Variants in SSR3 observed in about 807,000 individuals in gnomAD.
SSR3 encodes translocon-associated protein subunit gamma.
Under a neutral mutation model 22.1 loss-of-function variants are expected in SSR3, and 10 were observed. That is an observed-to-expected ratio of 0.45 (90% CI 0.28 to 0.77). The LOEUF (loss-of-function observed/expected upper bound fraction) is 0.77. SSR3 is among the 30% of genes least tolerant of loss of function. The pLI is 0.13. For missense variants in SSR3, 181 were observed against 220.5 expected, an observed-to-expected ratio of 0.82 and a Z score of 1.13; for synonymous variants, 104 against 82.5, an observed-to-expected ratio of 1.26 and a Z score of -1.42.
intron 3 of SSR3, 39 bp downstream of exon 3, chr3:156,548,866 C>A: frequency 6.3e-7 from 1 of 1,595,678 alleles, no homozygotes; most frequent in Non-Finnish European, 8.5e-7. Flanking sequence ...TTCAAAGTAC[C>A]CCCTTTTATG....
At chr3:156,549,290 C>G (rs1027960864) in intron 2 of SSR3, among the ~76,000 whole-genome samples, 2 of 152,194 alleles carry the variant, frequency 1.3e-5, no homozygotes, top group African/African-American at 4.8e-5. Flanking sequence ...AAGTCAAATG[C>G]TATTAACACA....
rs1172823184 is a variant in SSR3 at position 156,542,133 on chromosome 3, T to C, written c.*1070A>G. 6.6e-6 allele frequency: 1 copy of C among 152,172 alleles called. No individual in the cohort carries two copies. The highest frequency in any genetic ancestry group is 2.4e-5 in the African/African-American group (1 of 41,424). 9.4% of individuals were successfully genotyped at this position (152,172 alleles called of 1,614,324 possible). ...GAGCTTCCCAAACTTTTTCAAGTCA[T>C]GGCATACACAAGAAATGATATCTGT... On this transcript the variant is annotated 3_prime_UTR_variant, in exon 5 of 5. Transcript: ENST00000265044.
At chr3:156,549,690 A>G (rs1223619389) in intron 2 of SSR3, among the ~76,000 whole-genome samples, 1 of 152,220 alleles carries the variant, frequency 6.6e-6, no homozygotes, top group African/African-American at 2.4e-5. Flanking sequence ...TGACATTGTT[A>G]TTAATAAAAA....
At position 156,542,821 on chromosome 3, in the gene SSR3, G is replaced by A. The variant is rs1719612292; in HGVS notation, c.*382C>T. 1 of 182,600 alleles carries A rather than the reference G, an allele frequency of 5.5e-6. No homozygotes were observed. Among genetic ancestry groups the A allele is most frequent in the Non-Finnish European group, 1.1e-5 (1 of 88,800 alleles). 11.3% of individuals were successfully genotyped at this position (182,600 alleles called of 1,614,324 possible). A position where few individuals can be genotyped will look rare whatever the true frequency, so the allele number is the denominator to read the frequency against. ...ACGGTTCAAAAGAAGTTGTAATATT[G>A]TGCTTGGAACACAGAGAACCAGTTA... On this transcript the variant is annotated 3_prime_UTR_variant, in exon 5 of 5. Coordinates refer to ENST00000265044, the MANE Select transcript of SSR3 (RefSeq NM_007107.5).
chr3:156,554,777 C>A, intron 1 of SSR3, 180 bp downstream of exon 1: 3 of 781,962 alleles, frequency 3.8e-6, no homozygotes. Context: ...CAGGACAATC[C>A]CAAGCGACAA....
rs975218480 is a variant in SSR3, at chr3:156,539,947, A to G, written c.*3256T>C. Reference sequence around the variant, plus strand: ...GGTAACTACAAAGATGTGCATTTACATGTGTGAGATATTAAAATGATGGTT... The same window carrying G: ...GGTAACTACAAAGATGTGCATTTACGTGTGTGAGATATTAAAATGATGGTT... On this transcript the variant is annotated 3_prime_UTR_variant, in exon 5 of 5. Transcript: ENST00000265044. Among the ~76,000 whole-genome samples the G allele has an allele frequency of 6.6e-6, 1 of 152,200 alleles. No homozygotes were observed. Among genetic ancestry groups the G allele is most frequent in the Non-Finnish European group, 1.5e-5 (1 of 68,038 alleles).
At chr3:156,546,576 A>G (rs918213369) in intron 3 of SSR3, among the ~76,000 whole-genome samples, 45 of 152,092 alleles carry the variant, frequency 3.0e-4, no homozygotes, top group African/African-American at 1.0e-3. Flanking sequence ...GAGTCCACCC[A>G]TATCCTGTTT....
At position 156,555,045 on chromosome 3, in the gene SSR3, C is replaced by T. The variant is rs1177596816; in HGVS notation, c.45G>A (p.Leu15=). 7.4e-6 allele frequency: 12 copies of T among 1,614,026 alleles called. No homozygotes were observed. The highest frequency in any genetic ancestry group is 1.0e-5 in the Non-Finnish European group (12 of 1,179,954). ...GATTGCGGCTGAAATCCTGCAGGAG[C>T]AGGTCCTCCTCAGACTGCTGTTTGG... The part of the protein sequence containing the change: ...GSSKQQSEED[L]LLQDFSRNLS... Residue 15 remains leucine (L), a synonymous_variant, in exon 1 of 5, where the codon CTG becomes CTA. Coordinates refer to ENST00000265044, the MANE Select transcript of SSR3 (RefSeq NM_007107.5).
At chr3:156,546,686 G>A (rs1719775553) in intron 3 of SSR3, among the ~76,000 whole-genome samples, 1 of 152,174 alleles carries the variant, frequency 6.6e-6, no homozygotes, top group Non-Finnish European at 1.5e-5. Context: ...TGGTTTGGGA[G>A]AGCACTTCTC....
At chr3:156,548,255 C>A (rs1276826025) in intron 3 of SSR3, among the ~76,000 whole-genome samples, 1 of 152,112 alleles carries the variant, frequency 6.6e-6, no homozygotes, top group African/African-American at 2.4e-5. Context: ...GAGCAGCCGG[C>A]AGAAAAAATT....
chr3:156,544,290 C>A lies in SSR3; in HGVS notation c.491+18G>T. Reference sequence around the variant, plus strand: ...TTTCTTGACTTCTAAAAAAGATAATCAACCTTGAAAAGGATACACTGTGGG... The same window carrying A: ...TTTCTTGACTTCTAAAAAAGATAATAAACCTTGAAAAGGATACACTGTGGG... On this transcript the variant is annotated intron_variant, in intron 4 of 4. Transcript: ENST00000265044. The A allele has an allele frequency of 6.7e-7, 1 of 1,499,164 alleles. No individual in the cohort carries two copies. 92.9% of individuals were successfully genotyped at this position (1,499,164 alleles called of 1,614,324 possible).
chr3:156,551,205 T>A (rs1719940303), intron 2 of SSR3, among the ~76,000 whole-genome samples: 1 of 152,114 alleles, frequency 6.6e-6, no homozygotes, highest in African/African-American at 2.4e-5. Flanking sequence ...CTGAACTAAA[T>A]GTACCATTAA....
rs73875711 is a variant in SSR3, at chr3:156,550,731, A to G, written c.261-1728T>C. Among the ~76,000 whole-genome samples the G allele has an allele frequency of 8.7e-3, 1,319 of 152,376 alleles. 11 individuals carry two copies. Among genetic ancestry groups the G allele is most frequent in the African/African-American group, 0.029 (1,224 of 41,592 alleles). On this transcript the variant is annotated intron_variant, in intron 2 of 4. Coordinates refer to ENST00000265044, the MANE Select transcript of SSR3 (RefSeq NM_007107.5). ...TTCTTAAAATAAAAACATCTTTGCA[A>G]ACATGGTTTAAATTATGCCACGTTA...
rs1423079512 is a variant in SSR3 at position 156,553,687 on chromosome 3, T to G, written c.228A>C (p.Ala76=). 1.9e-6 allele frequency: 3 copies of G among 1,612,336 alleles called. No individual in the cohort carries two copies. Among genetic ancestry groups the G allele is most frequent in the Non-Finnish European group, 1.7e-6 (2 of 1,179,900 alleles). ...TLVSTYLVAF[A]YKNVKFVLKH... ...TGAGAACAAATTTCACATTCTTGTATGCAAAGGCTACCAAATATGTGCTTA... is the reference window on the plus strand; with the variant it reads ...TGAGAACAAATTTCACATTCTTGTAGGCAAAGGCTACCAAATATGTGCTTA... Residue 76 remains alanine, a synonymous_variant, in exon 2 of 5, where the codon GCA becomes GCC. Coordinates refer to ENST00000265044, the MANE Select transcript of SSR3 (RefSeq NM_007107.5).
At position 156,546,437 on chromosome 3, in the gene SSR3, A is replaced by G. The variant is rs567172431; in HGVS notation, c.360-1998T>C. Reference sequence around the variant, plus strand: ...GTGAAAATCGACTAATACAAGAACCATTTTCAAAAAGCTTTTAATGAAAGA... The same window carrying G: ...GTGAAAATCGACTAATACAAGAACCGTTTTCAAAAAGCTTTTAATGAAAGA... On this transcript the variant is annotated intron_variant, in intron 3 of 4. Coordinates refer to ENST00000265044, the MANE Select transcript of SSR3 (RefSeq NM_007107.5). Among the ~76,000 whole-genome samples the G allele has an allele frequency of 2.6e-5, 4 of 152,278 alleles. No individual in the cohort carries two copies. The South Asian group carries it at 6.2e-4, about 24-fold the overall frequency.
At chr3:156,550,360 C>G (rs138689037) in intron 2 of SSR3, among the ~76,000 whole-genome samples, 34 of 152,232 alleles carry the variant, frequency 2.2e-4, no homozygotes, top group African/African-American at 7.5e-4. Context: ...AACAGTCAAC[C>G]GATTGTCCAC....
At chr3:156,553,580 C>T (rs1291165446) in intron 2 of SSR3, 75 bp downstream of exon 2, 5 of 1,459,130 alleles carry the variant, frequency 3.4e-6, no homozygotes, top group African/African-American at 2.9e-5. Flanking sequence ...AAAACCAACA[C>T]ACACAAATGA....
chr3:156,546,772 T>C (rs1292951084), intron 3 of SSR3, among the ~76,000 whole-genome samples: 1 of 152,172 alleles, frequency 6.6e-6, no homozygotes, highest in African/African-American at 2.4e-5. Flanking sequence ...AAATGATAGA[T>C]CACCTGTAAA....
chr3:156,552,067 G>A (rs1181223533), intron 2 of SSR3, among the ~76,000 whole-genome samples: 3 of 152,112 alleles, frequency 2.0e-5, no homozygotes, highest in Non-Finnish European at 4.4e-5. Context: ...TTGGGAGACC[G>A]AGGCAGACGG....
Sources: allele counts gnomAD v4.1 joint callset (sites outside exome capture counted in the v4.1 genomes callset), GRCh38; gene constraint gnomAD v4.1.1; transcripts MANE v1.5; gene names NCBI Gene and HGNC (gene_info 2026-07-23, HGNC 2026-07-21).